Variants in ADD2 observed in about 807,000 individuals in gnomAD.
ADD2 encodes adducin 2.
A neutral mutation model predicts 83.0 loss-of-function variants in ADD2; 23 were observed. The ratio of observed to expected loss-of-function variants is 0.28; its 90% CI spans 0.20 to 0.39. ADD2 has a LOEUF of 0.39. Ranked by LOEUF, ADD2 falls within the 10% of genes least tolerant of loss-of-function variation. The probability of loss-of-function intolerance (pLI) is 1.00; values close to 1 mark genes in which losing one functional copy is unlikely to be tolerated. For synonymous variants in ADD2, 375 were observed against 375.4 expected, an observed-to-expected ratio of 1.00 and a Z score of 0.01; for missense variants, 758 against 944.9, an observed-to-expected ratio of 0.80 and a Z score of 2.59.
rs1202940005 is a variant in ADD2, at chr2:70,660,764, C to T, written c.*2661G>A. 6.6e-6 allele frequency: 1 copy of T among 152,238 alleles called. No homozygotes were observed. Among genetic ancestry groups the T allele is most frequent in the Non-Finnish European group, 1.5e-5 (1 of 68,058 alleles). 9.4% of individuals were successfully genotyped at this position (152,238 alleles called of 1,614,324 possible). A position where few individuals can be genotyped will look rare whatever the true frequency, so the allele number is the denominator to read the frequency against. The stretch of plus-strand genomic sequence containing the variant: ...CTTCCCTCATTGTGGCATGCCCTGC[C>T]AATCCTTTCATTCTACTGGAAATTT... On this transcript the variant is annotated 3_prime_UTR_variant, in exon 16 of 16. Coordinates refer to ENST00000264436, the MANE Select transcript of ADD2 (RefSeq NM_001617.4).
chr2:70,734,915 C>T (rs186633483), intron 1 of ADD2, among the ~76,000 whole-genome samples: 1 of 152,258 alleles, frequency 6.6e-6, no homozygotes, highest in Non-Finnish European at 1.5e-5. Context: ...TCCCATAGCC[C>T]TGGAAGAACT....
chr2:70,692,585 C>G, intron 6 of ADD2, 33 bp from the exon 7 acceptor site: 3 of 1,555,418 alleles, frequency 1.9e-6, no homozygotes, highest in African/African-American at 2.7e-5. Context: ...CTTATGGCAA[C>G]AGGGTGGCCG....
intron 1 of ADD2, among the ~76,000 whole-genome samples, chr2:70,752,266 C>G (rs11685412): frequency 0.34 from 51,267 of 151,870 alleles, 8,691 homozygotes; most frequent in Middle Eastern, 0.42. Context: ...TCATTAACTG[C>G]AGGTCTATGT....
chr2:70,701,995 G>A (rs1172319723), intron 4 of ADD2, among the ~76,000 whole-genome samples: 1 of 152,114 alleles, frequency 6.6e-6, no homozygotes, highest in Non-Finnish European at 1.5e-5. Flanking sequence ...GGATATAGCA[G>A]TGGACCAAAC....
chr2:70,707,931 C>T (rs1361717722), intron 2 of ADD2, among the ~76,000 whole-genome samples: 4 of 152,218 alleles, frequency 2.6e-5, no homozygotes, highest in Non-Finnish European at 4.4e-5. Flanking sequence ...CCAGTCCTGG[C>T]TCCCTCCGGC....
Position 70,706,094 on chromosome 2 carries a change from C to G in ADD2, c.183+132G>C. 1 of 945,268 alleles carries G rather than the reference C, an allele frequency of 1.1e-6. No individual in the cohort carries two copies. The highest frequency in any genetic ancestry group is 2.6e-5 in the East Asian group (1 of 38,132). 58.6% of individuals were successfully genotyped at this position (945,268 alleles called of 1,614,324 possible). On this transcript the variant is annotated intron_variant, in intron 3 of 15. Coordinates refer to ENST00000264436, the MANE Select transcript of ADD2 (RefSeq NM_001617.4). The surrounding 1 kb of genome is among the most constrained non-coding windows in gnomAD (Gnocchi z 5.0). Reference sequence around the variant, plus strand: ...CAAGGCCCCAGGTGACCAGATCCGTCTTGCTCAGTGGGCTTACATTTCTAC... The same window carrying G: ...CAAGGCCCCAGGTGACCAGATCCGTGTTGCTCAGTGGGCTTACATTTCTAC...
chr2:70,663,927 C>T (rs1553365614), intron 15 of ADD2, among the ~76,000 whole-genome samples, 192 bp from the exon 16 acceptor site: 1 of 152,144 alleles, frequency 6.6e-6, no homozygotes, highest in Non-Finnish European at 1.5e-5. Context: ...TTCCATGTGG[C>T]CTGTCCTGGG....
At chr2:70,672,171 T>C (rs1170636764) in intron 15 of ADD2, among the ~76,000 whole-genome samples, 5 of 152,198 alleles carry the variant, frequency 3.3e-5, no homozygotes. Flanking sequence ...AAACTGAGGC[T>C]CAGAGATGCT....
intron 1 of ADD2, among the ~76,000 whole-genome samples, chr2:70,757,683 C>T (rs1674868223): frequency 6.6e-6 from 1 of 152,158 alleles, no homozygotes; most frequent in African/African-American, 2.4e-5. Context: ...ATCAAACCCG[C>T]CCTCACTTTT....
At chr2:70,674,579 C>A (rs1553367818) in intron 14 of ADD2, 99 bp downstream of exon 14, 1 of 1,297,472 alleles carries the variant, frequency 7.7e-7, no homozygotes, top group Non-Finnish European at 1.1e-6. Context: ...TAGAAATATT[C>A]TTTGATGATG....
chr2:70,674,107 C>T (rs1402158960), intron 14 of ADD2, among the ~76,000 whole-genome samples: 1 of 152,106 alleles, frequency 6.6e-6, no homozygotes, highest in African/African-American at 2.4e-5. Flanking sequence ...CAGGGAGGCC[C>T]TTCCTAGCTG....
chr2:70,744,597 T>C (rs916180591), intron 1 of ADD2, among the ~76,000 whole-genome samples: 1 of 152,192 alleles, frequency 6.6e-6, no homozygotes, highest in African/African-American at 2.4e-5. Context: ...AAGAAGTCCA[T>C]TGTGGCTGAA....
At chr2:70,750,038 A>G (rs915973593) in intron 1 of ADD2, among the ~76,000 whole-genome samples, 1 of 152,210 alleles carries the variant, frequency 6.6e-6, no homozygotes, top group Non-Finnish European at 1.5e-5. Flanking sequence ...TCCTTGTTAC[A>G]GGACCTTTCT....
intron 1 of ADD2, among the ~76,000 whole-genome samples, chr2:70,764,450 C>T (rs1418206333): frequency 6.6e-6 from 1 of 151,502 alleles, no homozygotes; most frequent in African/African-American, 2.4e-5. Context: ...TGTGTAGACT[C>T]ACTCTCTCCA....
intron 1 of ADD2, among the ~76,000 whole-genome samples, chr2:70,732,293 A>T (rs115803778): frequency 0.02 from 3,004 of 152,226 alleles, 51 homozygotes; most frequent in Middle Eastern, 0.027. Flanking sequence ...CTCCTTCCTA[A>T]AGCTCGTCTA....
rs536839526 is a variant in ADD2, at chr2:70,679,455, T to C, written c.1126-494A>G. Among the ~76,000 whole-genome samples, 229 of 152,300 alleles carry C rather than the reference T, an allele frequency of 1.5e-3. 2 individuals carry two copies. The highest frequency in any genetic ancestry group is 5.3e-3 in the African/African-American group (222 of 41,566). On this transcript the variant is annotated intron_variant, in intron 10 of 15. Transcript: ENST00000264436. ...CTCCCTTCCTTGACTGTGAAACTTC[T>C]TAACAATTTCCTTCTAGGAACCCTG...
chr2:70,740,929 G>A (rs1056620757), intron 1 of ADD2, among the ~76,000 whole-genome samples: 20 of 152,120 alleles, frequency 1.3e-4, no homozygotes, highest in Non-Finnish European at 2.6e-4. Context: ...CAAACTCCTG[G>A]CCTCAAGTGA....
rs781815708 is a variant in ADD2, at chr2:70,692,440, C to T, written c.668G>A (p.Arg223His). 37 of 1,606,970 alleles carry T rather than the reference C, an allele frequency of 2.3e-5. No individual in the cohort carries two copies. Among genetic ancestry groups the T allele is most frequent in the South Asian group, 4.4e-5 (4 of 90,054 alleles). ...SAIYAARPDV[R>H]CIIHLHTPAT... ...CGGTGTGTGCAGGTGGATGATGCAG[C>T]GCACGTCGGGCCTCGCTGCATAGAT... Residue 223 changes from arginine (R) to histidine (H), a missense_variant, in exon 7 of 16, where the codon CGC becomes CAC. Arg to His is a conservative substitution (Grantham distance 29). Around this residue, in one of 5 missense-constraint regions of ADD2, gnomAD observed 394 missense variants for 509.3 expected, o/e 0.77. Coordinates refer to ENST00000264436, the MANE Select transcript of ADD2 (RefSeq NM_001617.4).
intron 14 of ADD2, 34 bp from the exon 15 acceptor site, chr2:70,673,040 T>A: frequency 6.3e-7 from 1 of 1,598,986 alleles, no homozygotes; most frequent in Non-Finnish European, 8.5e-7. Context: ...AGGATAGAGG[T>A]CAAATAGAGA....
Sources: allele counts gnomAD v4.1 joint callset (sites outside exome capture counted in the v4.1 genomes callset), GRCh38; gene constraint gnomAD v4.1.1; regional missense constraint gnomAD v4.1.1; non-coding constraint Gnocchi (gnomAD v3.1); transcripts MANE v1.5; gene names NCBI Gene and HGNC (gene_info 2026-07-23, HGNC 2026-07-21).